Variants in ITGA4 observed in about 807,000 individuals in gnomAD.
ITGA4 encodes the protein integrin subunit alpha 4, also known as integrin alpha-4.
ITGA4 carries 63 observed loss-of-function variants against 133.6 expected under a neutral mutation model. The observed-to-expected ratio is 0.47, with a 90% CI of 0.38 to 0.58. The LOEUF (loss-of-function observed/expected upper bound fraction) is 0.58. ITGA4 is among the 20% of genes least tolerant of loss of function. The probability of loss-of-function intolerance (pLI) is 0.00; values close to 1 mark genes in which losing one functional copy is unlikely to be tolerated. For missense variants in ITGA4, 1,076 were observed against 1,252.7 expected (o/e 0.86, Z 2.13); for synonymous variants, 483 against 438.0 (o/e 1.10, Z -1.28).
In ITGA4 at chr2:181,523,697, T is replaced by C. The variant is rs1453062199; in HGVS notation, c.2169+165T>C. Among the ~76,000 whole-genome samples, 2 of 152,174 alleles carry C rather than the reference T, an allele frequency of 1.3e-5. No homozygotes were observed. The highest frequency in any genetic ancestry group is 4.8e-5 in the African/African-American group (2 of 41,440). On this transcript the variant is annotated intron_variant, in intron 19 of 27. Coordinates refer to ENST00000397033, the MANE Select transcript of ITGA4 (RefSeq NM_000885.6). The surrounding 1 kb of genome is among the most constrained non-coding windows in gnomAD (Gnocchi z 4.2). ...TTGAAATCTTTGAGCTTTGTGTTTA[T>C]ATTCTTGGCAATGTTTGCTGTTTTA... is the stretch of plus-strand genomic sequence containing the variant.
chr2:181,527,270 A>T, intron 21 of ITGA4, 27 bp from the exon 22 acceptor site: 1 of 1,293,266 alleles, frequency 7.7e-7, no homozygotes, highest in Non-Finnish European at 1.1e-6. Flanking sequence ...TAAGACAGTT[A>T]ATTAAATTTG....
intron 16 of ITGA4, among the ~76,000 whole-genome samples, chr2:181,510,065 C>T (rs569301130): frequency 2.0e-5 from 3 of 151,970 alleles, no homozygotes; most frequent in South Asian, 4.2e-4. Context: ...AATGCCTTGC[C>T]AGTGAAGAAA....
At chr2:181,505,357 C>G (rs1309886766) in intron 15 of ITGA4, among the ~76,000 whole-genome samples, 2 of 151,928 alleles carry the variant, frequency 1.3e-5, no homozygotes, top group South Asian at 2.1e-4. Flanking sequence ...GCCTGTTGCT[C>G]AGCTCTCAAG....
chr2:181,534,545 A>T (rs1687014629), intron 26 of ITGA4, among the ~76,000 whole-genome samples, 175 bp downstream of exon 26: 1 of 152,138 alleles, frequency 6.6e-6, no homozygotes, highest in Non-Finnish European at 1.5e-5. Flanking sequence ...AGGAGGGAAC[A>T]ATACAGCAGT....
intron 2 of ITGA4, among the ~76,000 whole-genome samples, chr2:181,466,094 C>T (rs976934241): frequency 7.2e-5 from 11 of 152,026 alleles, no homozygotes; most frequent in African/African-American, 2.4e-4. Flanking sequence ...GACTTGCGTA[C>T]GTTTTCTGTG....
intron 17 of ITGA4, among the ~76,000 whole-genome samples, chr2:181,517,447 A>G (rs1345480564): frequency 1.3e-5 from 2 of 152,070 alleles, no homozygotes; most frequent in Non-Finnish European, 2.9e-5. Flanking sequence ...TTATTAAGTT[A>G]TGATTCTGTA....
chr2:181,493,543 C>A, intron 11 of ITGA4, 124 bp downstream of exon 11: 1 of 530,254 alleles, frequency 1.9e-6, no homozygotes, highest in Non-Finnish European at 3.3e-6. Context: ...TTTATTTCAC[C>A]GTTTACTTAT....
rs890547243 is a variant in ITGA4, at chr2:181,475,277, C to G, written c.545C>G (p.Pro182Arg). Residue 182 changes from proline (P) to arginine (R), a missense_variant, in exon 4 of 28, where the codon CCG (proline) becomes CGG (arginine). Coordinates refer to ENST00000397033, the MANE Select transcript of ITGA4 (RefSeq NM_000885.6). Reference protein sequence around the residue: ...LRTELSKRIAPCYQDYVKKFG... With the variant: ...LRTELSKRIARCYQDYVKKFG... ...ACAGAACTGAGTAAAAGAATAGCTC[C>G]GTGTTATCAAGGTAAGGCATGATTT... The G allele has an allele frequency of 1.2e-6, 2 of 1,612,172 alleles. No homozygotes were observed. Among genetic ancestry groups the G allele is most frequent in the Non-Finnish European group, 1.7e-6 (2 of 1,178,410 alleles).
intron 22 of ITGA4, among the ~76,000 whole-genome samples, chr2:181,528,298 AG>A (rs1030534139): frequency 1.4e-4 from 22 of 152,204 alleles, no homozygotes; most frequent in African/African-American, 5.3e-4. Context: ...GAAAAATTTT[AG>A]TTCTCCACTT....
At chr2:181,504,613 GTGAAT>G (rs753469413) in intron 15 of ITGA4, among the ~76,000 whole-genome samples, 2 of 151,960 alleles carry the variant, frequency 1.3e-5, no homozygotes, top group Non-Finnish European at 2.9e-5. Flanking sequence ...TATTCTAAAA[GTGAAT>G]TGATTATTAT....
chr2:181,488,169 C>G (rs1181249190), intron 10 of ITGA4, among the ~76,000 whole-genome samples: 1 of 152,282 alleles, frequency 6.6e-6, no homozygotes, highest in East Asian at 1.9e-4. Flanking sequence ...TAGGCAAATT[C>G]CCTTATCAAA....
chr2:181,477,873 A>G (rs1370289213), intron 4 of ITGA4, among the ~76,000 whole-genome samples: 2 of 152,040 alleles, frequency 1.3e-5, no homozygotes, highest in African/African-American at 4.8e-5. Flanking sequence ...AATCAGTACC[A>G]CATAAAGAGA....
chr2:181,462,817 A>G (rs1003115636), intron 2 of ITGA4, among the ~76,000 whole-genome samples: 3 of 152,174 alleles, frequency 2.0e-5, no homozygotes, highest in Non-Finnish European at 2.9e-5. Context: ...TGATATACCC[A>G]ATGACTTGAA....
intron 27 of ITGA4, 101 bp from the exon 28 acceptor site, chr2:181,535,331 T>G: frequency 1.1e-6 from 1 of 893,478 alleles, no homozygotes; most frequent in African/African-American, 1.7e-5. Flanking sequence ...GGATGCAGTT[T>G]AAGAAATATT....
At chr2:181,529,085 C>T (rs1686889205) in intron 22 of ITGA4, among the ~76,000 whole-genome samples, 1 of 152,146 alleles carries the variant, frequency 6.6e-6, no homozygotes, top group African/African-American at 2.4e-5. Context: ...ATTACAATAC[C>T]TGAGTTTTGG....
chr2:181,535,009 T>G, intron 27 of ITGA4, 74 bp downstream of exon 27: 1 of 1,444,918 alleles, frequency 6.9e-7, no homozygotes, highest in Non-Finnish European at 9.2e-7. Context: ...ACTTCCAAGT[T>G]ATTAGATTTA....
intron 4 of ITGA4, among the ~76,000 whole-genome samples, chr2:181,477,124 G>GT (rs951418900): frequency 1.3e-5 from 2 of 151,632 alleles, no homozygotes; most frequent in South Asian, 2.1e-4. Flanking sequence ...GAACCTGAAA[G>GT]TTTTTTTTTA....
At chr2:181,489,345 A>G (rs1292060026) in intron 10 of ITGA4, among the ~76,000 whole-genome samples, 1 of 150,836 alleles carries the variant, frequency 6.6e-6, no homozygotes, top group African/African-American at 2.4e-5. Context: ...TAAAAAGATG[A>G]CCAATTGATT....
chr2:181,458,061 G>A (rs1297177248), intron 1 of ITGA4, 135 bp from the exon 2 acceptor site: 7 of 1,304,386 alleles, frequency 5.4e-6, no homozygotes, highest in Admixed American at 3.8e-5. Flanking sequence ...AGGTCTTGGA[G>A]CTTCGAGTCG....
Sources: allele counts gnomAD v4.1 joint callset (sites outside exome capture counted in the v4.1 genomes callset), GRCh38; gene constraint gnomAD v4.1.1; non-coding constraint Gnocchi (gnomAD v3.1); transcripts MANE v1.5; gene names NCBI Gene and HGNC (gene_info 2026-07-23, HGNC 2026-07-21).